KIF7: variants seen among roughly 807,000 people sequenced by gnomAD.
KIF7 encodes the protein kinesin-like protein KIF7.
KIF7 carries 104 observed loss-of-function variants against 135.7 expected under a neutral mutation model. The observed-to-expected ratio is 0.77, with a 90% CI of 0.65 to 0.90. The LOEUF (loss-of-function observed/expected upper bound fraction) is 0.90. Ranked by LOEUF, KIF7 falls within the 40% of genes least tolerant of loss-of-function variation. The probability of loss-of-function intolerance (pLI) is 0.00; values close to 1 mark genes in which losing one functional copy is unlikely to be tolerated. For synonymous variants in KIF7, 883 were observed against 809.4 expected (o/e 1.09, Z -1.54); for missense variants, 2,005 against 1,839.1 (o/e 1.09, Z -1.65).
rs1277744807 is a variant in KIF7 at position 89,649,908 on chromosome 15, G to A, written c.362C>T (p.Pro121Leu). ...CTTGAAGGCCTCGGCCATGGCCCTC[G>A]GGACAATGCCCTGCTCATCCTCAAG... ...SLLEDEQGIV[P>L]RAMAEAFKLI... Residue 121 changes from proline (P) to leucine (L), a missense_variant, in exon 3 of 19, where the codon CCG becomes CTG. By Grantham distance (98) the Pro-to-Leu change is moderately conservative. Transcript: ENST00000394412. 10 of 1,551,492 alleles carry A rather than the reference G, an allele frequency of 6.4e-6. No homozygotes were observed. Among genetic ancestry groups the A allele is most frequent in the Middle Eastern group, 1.7e-4 (1 of 6,014 alleles).
upstream of KIF7, among the ~76,000 whole-genome samples, chr15:89,660,113 G>A (rs145641383): frequency 0.043 from 6,555 of 152,212 alleles, 202 homozygotes; most frequent in Non-Finnish European, 0.063. Context: ...CAGGAAAATC[G>A]CTTCAACCTG....
chr15:89,635,804 T>C (rs1483874820), intron 11 of KIF7, among the ~76,000 whole-genome samples: 6 of 152,064 alleles, frequency 3.9e-5, no homozygotes, highest in Non-Finnish European at 8.8e-5. Context: ...AGGCCAACAT[T>C]CAGATTCAGG....
chr15:89,625,241 G>T, downstream of KIF7: 15 of 1,613,648 alleles, frequency 9.3e-6, no homozygotes, highest in Non-Finnish European at 1.3e-5. Flanking sequence ...ACCTACATCT[G>T]CCAGGCCTGT....
Position 89,645,972 on chromosome 15 carries a change from G to C in KIF7, c.1843C>G (p.Leu615Val). The C allele has an allele frequency of 6.2e-7, 1 of 1,613,892 alleles. No homozygotes were observed. The highest frequency in any genetic ancestry group is 8.5e-7 in the Non-Finnish European group (1 of 1,179,992). Residue 615 changes from leucine (L) to valine (V), a missense_variant, in exon 8 of 19, where the codon CTG (leucine) becomes GTG (valine). Leu to Val is a conservative substitution (Grantham distance 32, BLOSUM62 1). Coordinates refer to ENST00000394412, the MANE Select transcript of KIF7 (RefSeq NM_198525.3). ...GAELLTEVNR[L>V]GSGSSAASEE... Reference sequence around the variant, plus strand: ...GAAGCAGCTGAAGAGCCACTTCCCAGCCTGTTCACCTCAGTCAGCAACTCA... The same window carrying C: ...GAAGCAGCTGAAGAGCCACTTCCCACCCTGTTCACCTCAGTCAGCAACTCA...
intron 11 of KIF7, among the ~76,000 whole-genome samples, chr15:89,638,574 A>C (rs1041605040): frequency 6.6e-6 from 1 of 151,998 alleles, no homozygotes; most frequent in Non-Finnish European, 1.5e-5. Context: ...ATACCTAGGA[A>C]TCCAACTTAC....
chr15:89,631,542 G>C lies in KIF7; in HGVS notation c.3064C>G (p.Leu1022Val). Residue 1022 changes from leucine to valine, a missense_variant, in exon 15 of 19, where the codon CTG becomes GTG. By Grantham distance (32) the Leu-to-Val change is conservative. Transcript: ENST00000394412. ...TGCCTCAGCTTGCCGTCGATCTCCA[G>C]GCGCTGCTTGAGCAGCGAGTCCTTC... ...QEKDSLLKQR[L>V]EIDGKLRQGS... 6.3e-7 allele frequency: 1 copy of C among 1,583,372 alleles called. No homozygotes were observed. Among genetic ancestry groups the C allele is most frequent in the Non-Finnish European group, 8.6e-7 (1 of 1,163,798 alleles).
chr15:89,627,196 T>C (rs943994978), downstream of KIF7: 4 of 1,384,434 alleles, frequency 2.9e-6, no homozygotes, highest in Admixed American at 3.9e-5. Flanking sequence ...AGTGTTCAGA[T>C]TGCCATTAGA....
At chr15:89,647,238 C>G (rs574170348) in intron 6 of KIF7, among the ~76,000 whole-genome samples, 181 bp from the exon 7 acceptor site, 1 of 152,278 alleles carries the variant, frequency 6.6e-6, no homozygotes, top group African/African-American at 2.4e-5. Flanking sequence ...CCCCACAGAT[C>G]CCATCACACT....
chr15:89,635,079 C>T (rs980324570), intron 11 of KIF7, among the ~76,000 whole-genome samples: 8 of 151,982 alleles, frequency 5.3e-5, no homozygotes, highest in South Asian at 2.1e-4. Context: ...TGACACCTCA[C>T]ACGGCCGGGT....
At chr15:89,622,212 C>T (rs1198514218) in intron 1 of KIF7, among the ~76,000 whole-genome samples, 1 of 152,112 alleles carries the variant, frequency 6.6e-6, no homozygotes, top group Admixed American at 6.5e-5. Flanking sequence ...TCTCGAACTC[C>T]TGACCTCAAG....
At chr15:89,633,292 G>A (rs1399521580) in intron 12 of KIF7, 26 bp from the exon 13 acceptor site, 2 of 1,545,154 alleles carry the variant, frequency 1.3e-6, no homozygotes, top group South Asian at 1.2e-5. Flanking sequence ...AGTGGGCAGG[G>A]CTGTTTATGG....
chr15:89,645,099 C>T lies in KIF7; in HGVS notation c.2105G>A (p.Arg702Gln), dbSNP rs149078926. The T allele has an allele frequency of 3.0e-4, 477 of 1,605,938 alleles. No individual in the cohort carries two copies. The highest frequency in any genetic ancestry group is 3.7e-4 in the Non-Finnish European group (442 of 1,179,978). Residue 702 changes from arginine (R) to glutamine (Q), a missense_variant, in exon 10 of 19, where the codon CGG (arginine) becomes CAG (glutamine). By Grantham distance (43) the Arg-to-Gln change is conservative. Transcript: ENST00000394412. ...GATCTTCTGCTGGGCCTGGGCCAGC[C>T]GCCACTCTGAGGCTGTGGCAGGGGG... ...QVPPATASEW[R>Q]LAQAQQKIRE... is the part of the protein sequence containing the mutation.
chr15:89,635,605 A>T (rs542534115), intron 11 of KIF7, among the ~76,000 whole-genome samples: 1 of 152,220 alleles, frequency 6.6e-6, no homozygotes, highest in Non-Finnish European at 1.5e-5. Context: ...AATGAAATGA[A>T]GCGAGAAGGG....
rs1653612835 is a variant in KIF7, at chr15:89,633,900, C to T, written c.2395-17G>A. On this transcript the variant is annotated splice_polypyrimidine_tract_variant and intron_variant, in intron 11 of 18. Transcript: ENST00000394412. Reference sequence around the variant, plus strand: ...CTTCAGCACCTGGGACCCACACAGTCTTCACTGGGCCATGCACGGGGCTAC... The same window carrying T: ...CTTCAGCACCTGGGACCCACACAGTTTTCACTGGGCCATGCACGGGGCTAC... The T allele has an allele frequency of 6.2e-7, 1 of 1,613,340 alleles. No individual in the cohort carries two copies.
intron 13 of KIF7, 22 bp from the exon 14 acceptor site, chr15:89,633,018 G>GGGAGGGAGGGAGGGAT (rs1555423484): frequency 6.3e-7 from 1 of 1,584,860 alleles, no homozygotes; most frequent in Non-Finnish European, 8.6e-7. Flanking sequence ...TAGGGAGGGA[G>GGGAGGGAGGGAGGGAT]GGAGGGAACT....
downstream of KIF7, among the ~76,000 whole-genome samples, chr15:89,626,688 G>A (rs1963534307): frequency 6.6e-6 from 1 of 152,128 alleles, no homozygotes; most frequent in African/African-American, 2.4e-5. Flanking sequence ...GACCTAGAAA[G>A]AATACAGGAT....
In KIF7 at chr15:89,635,030, A is replaced by G. The variant is rs979015098; in HGVS notation, c.2395-1147T>C. On this transcript the variant is annotated intron_variant, in intron 11 of 18. Coordinates refer to ENST00000394412, the MANE Select transcript of KIF7 (RefSeq NM_198525.3). Reference sequence around the variant, plus strand: ...GTGGGTTCCTGACCCCTGACCTCCGAGCAGCCTAACTGGGAGGCACCCCCC... The same window carrying G: ...GTGGGTTCCTGACCCCTGACCTCCGGGCAGCCTAACTGGGAGGCACCCCCC... Among the ~76,000 whole-genome samples the G allele has an allele frequency of 1.1e-4, 16 of 152,304 alleles. No individual in the cohort carries two copies. The East Asian group carries it at 2.7e-3, about 26-fold the overall frequency.
chr15:89,619,271 G>C (rs1475187221), intron 1 of KIF7, among the ~76,000 whole-genome samples: 2 of 124,898 alleles, frequency 1.6e-5, no homozygotes, highest in Non-Finnish European at 3.2e-5. Flanking sequence ...TGTCGCCCAG[G>C]CTGGAGTGCA....
upstream of KIF7, among the ~76,000 whole-genome samples, chr15:89,660,365 C>G (rs778952731): frequency 1.3e-5 from 2 of 152,196 alleles, no homozygotes; most frequent in Non-Finnish European, 2.9e-5. Context: ...TTCCCATCCC[C>G]CTTTTAAACC....
Sources: allele counts gnomAD v4.1 joint callset (sites outside exome capture counted in the v4.1 genomes callset), GRCh38; gene constraint gnomAD v4.1.1; transcripts MANE v1.5; gene names NCBI Gene and HGNC (gene_info 2026-07-23, HGNC 2026-07-21).